The following NAXD variants were observed in gnomAD, a reference collection of about 807,000 sequenced individuals.
NAXD encodes the protein ATP-dependent (S)-NAD(P)H-hydrate dehydratase.
In NAXD, 22 loss-of-function variants were observed where a neutral mutation model predicts 35.8. The observed-to-expected ratio is 0.62, with a 90% CI of 0.44 to 0.88. The LOEUF (loss-of-function observed/expected upper bound fraction) is 0.88, where lower values mean the gene tolerates loss of function less well. Among genes scored for constraint, NAXD ranks in the 40% least tolerant of loss-of-function variants. The probability of loss-of-function intolerance (pLI) is 0.00; values close to 1 mark genes in which losing one functional copy is unlikely to be tolerated. For synonymous variants in NAXD, 189 were observed against 177.6 expected (o/e 1.06, Z -0.51); for missense variants, 428 against 437.7 (o/e 0.98, Z 0.20).
chr13:110,636,571 G>A (rs1057432828), intron 8 of NAXD, among the ~76,000 whole-genome samples: 5 of 152,200 alleles, frequency 3.3e-5, no homozygotes, highest in Non-Finnish European at 7.3e-5. Flanking sequence ...TTTAATCACT[G>A]GAAGGCTCTC....
intron 5 of NAXD, among the ~76,000 whole-genome samples, chr13:110,631,671 C>T (rs1453173163): frequency 6.6e-6 from 1 of 152,206 alleles, no homozygotes; most frequent in Non-Finnish European, 1.5e-5. Flanking sequence ...AGAAACTGAT[C>T]TAAAATCTGA....
chr13:110,632,595 G>C (rs528669022), intron 5 of NAXD, among the ~76,000 whole-genome samples: 69 of 152,110 alleles, frequency 4.5e-4, no homozygotes, highest in East Asian at 2.5e-3. Context: ...ACAGAGTTTC[G>C]ACACACAGGT....
intron 1 of NAXD, among the ~76,000 whole-genome samples, chr13:110,619,068 C>T (rs991909494): frequency 1.3e-5 from 2 of 152,218 alleles, no homozygotes; most frequent in African/African-American, 4.8e-5. Flanking sequence ...GTGCTCCCCT[C>T]CACCTGACAG....
intron 5 of NAXD, among the ~76,000 whole-genome samples, chr13:110,634,044 CG>C (rs537496850): frequency 1.2e-3 from 181 of 152,310 alleles, no homozygotes; most frequent in African/African-American, 4.2e-3. Flanking sequence ...CAGTGGGCTT[CG>C]CCTTTCAGAG....
At chr13:110,635,744 GAGTCC>G (rs1886902318) in intron 8 of NAXD, among the ~76,000 whole-genome samples, 156 bp downstream of exon 8, 1 of 152,176 alleles carries the variant, frequency 6.6e-6, no homozygotes, top group Non-Finnish European at 1.5e-5. Flanking sequence ...ACTTTCTTCA[GAGTCC>G]ATGTTTTGAC....
intron 4 of NAXD, among the ~76,000 whole-genome samples, chr13:110,626,455 A>T (rs1886487094): frequency 1.3e-5 from 2 of 151,346 alleles, no homozygotes; most frequent in Admixed American, 1.3e-4. Context: ...CATCCAAGGG[A>T]CGTGGCTAGA....
At position 110,638,257 on chromosome 13, in the gene NAXD, G is replaced by C; in HGVS notation, c.840-121G>C. ...TTCTCCTCAGGGGCATATCAGACTT[G>C]AAATTGACAATTTGGGGTCCTGAGA... is the stretch of plus-strand genomic sequence containing the variant. On this transcript the variant is annotated intron_variant, in intron 9 of 9. Coordinates refer to ENST00000680254, the MANE Select transcript of NAXD (RefSeq NM_001242882.2). This position sits in a 1 kb window ranked among gnomAD's most constrained non-coding sequence, Gnocchi z 5.4. 2 of 1,577,532 alleles carry C rather than the reference G, an allele frequency of 1.3e-6. No individual in the cohort carries two copies. The highest frequency in any genetic ancestry group is 1.4e-5 in the African/African-American group (1 of 73,716).
At chr13:110,635,372 G>C in intron 7 of NAXD, 96 bp from the exon 8 acceptor site, 1 of 1,440,316 alleles carries the variant, frequency 6.9e-7, no homozygotes, top group Non-Finnish European at 9.5e-7. Context: ...CTTTAGACAC[G>C]AGAGCATGAG....
At position 110,615,599 on chromosome 13, in the gene NAXD, C is replaced by G. The variant is rs1379116786; in HGVS notation, c.-3C>G. 1.4e-6 allele frequency: 2 copies of G among 1,394,784 alleles called. No homozygotes were observed. The highest frequency in any genetic ancestry group is 1.5e-5 in the African/African-American group (1 of 66,302). The allele number at this position is 1,394,784 out of a possible 1,614,324, so 86.4% of individuals were successfully genotyped here. A position where few individuals can be genotyped will look rare whatever the true frequency, so the allele number is the denominator to read the frequency against. On this transcript the variant is annotated 5_prime_UTR_variant, in exon 1 of 10. Transcript: ENST00000680254. ...GGCAGCTGGGAATCCGGAATGCTGC[C>G]CGATGGCCCTGGGTCCTCGCTGTGG...
chr13:110,617,059 A>ATTT (rs1886087780), intron 1 of NAXD, among the ~76,000 whole-genome samples: 1 of 152,122 alleles, frequency 6.6e-6, no homozygotes, highest in African/African-American at 2.4e-5. Flanking sequence ...TAGTAGCAAG[A>ATTT]TTTTTCATTG....
At chr13:110,633,092 C>T (rs567399992) in intron 5 of NAXD, among the ~76,000 whole-genome samples, 2 of 151,858 alleles carry the variant, frequency 1.3e-5, no homozygotes, top group Non-Finnish European at 2.9e-5. Flanking sequence ...TGGTGCTCGT[C>T]GGGGAGGCTC....
chr13:110,637,306 T>C, intron 9 of NAXD, 57 bp downstream of exon 9: 1 of 1,600,134 alleles, frequency 6.2e-7, no homozygotes, highest in Non-Finnish European at 8.6e-7. Context: ...TCTAAGCTGT[T>C]TCAGTAGCTC....
chr13:110,626,588 C>T (rs1190131519), intron 4 of NAXD, among the ~76,000 whole-genome samples: 1 of 151,910 alleles, frequency 6.6e-6, no homozygotes, highest in Non-Finnish European at 1.5e-5. Context: ...GGACTTGGCA[C>T]TCAGATGCTG....
At chr13:110,637,068 C>T in intron 8 of NAXD, 61 bp from the exon 9 acceptor site, 4 of 1,542,718 alleles carry the variant, frequency 2.6e-6, no homozygotes, top group Non-Finnish European at 3.5e-6. Context: ...ACACCCGTGG[C>T]TACTGTCACA....
chr13:110,622,593 G>A (rs993190090), intron 2 of NAXD, among the ~76,000 whole-genome samples: 4 of 152,168 alleles, frequency 2.6e-5, no homozygotes, highest in East Asian at 1.9e-4. Flanking sequence ...AAGTTTTGTC[G>A]TAGTGGGGAA....
intron 5 of NAXD, among the ~76,000 whole-genome samples, chr13:110,634,109 C>T (rs1357701117): frequency 6.6e-6 from 1 of 152,286 alleles, no homozygotes; most frequent in African/African-American, 2.4e-5. Flanking sequence ...GGTCTTTCTG[C>T]TTCTCTATTT....
chr13:110,637,045 C>T (rs330573), intron 8 of NAXD, 84 bp from the exon 9 acceptor site: 48,537 of 1,465,708 alleles, frequency 0.033, 4,315 homozygotes, highest in African/African-American at 0.31. Context: ...CTCTGCCTGC[C>T]GTGCGGCCTT....
intron 1 of NAXD, among the ~76,000 whole-genome samples, chr13:110,616,978 C>T (rs1427197679): frequency 1.3e-5 from 2 of 152,202 alleles, no homozygotes; most frequent in African/African-American, 4.8e-5. Context: ...CTCACACCAG[C>T]AGGGAGGCTT....
rs144427668 is a variant in NAXD at position 110,619,954 on chromosome 13, G to A, written c.47-2262G>A. Among the ~76,000 whole-genome samples the A allele has an allele frequency of 5.5e-3, 829 of 151,928 alleles. 12 individuals carry two copies. Among genetic ancestry groups the A allele is most frequent in the African/African-American group, 0.019 (784 of 41,440 alleles). On this transcript the variant is annotated intron_variant, in intron 1 of 9. Coordinates refer to ENST00000680254, the MANE Select transcript of NAXD (RefSeq NM_001242882.2). ...GCTGGAATTACAGGCATGCACCACC[G>A]TGCCCAACTAATTTTTGTATTTTTA...
Sources: gnomAD v4.1 joint callset for allele counts (sites outside exome capture counted in the v4.1 genomes callset) on GRCh38, gnomAD v4.1.1 for gene constraint, Gnocchi (gnomAD v3.1) non-coding constraint, MANE v1.5 for transcripts, NCBI Gene and HGNC (gene_info 2026-07-23, HGNC 2026-07-21) for gene names.